UGT1A8: variants seen among roughly 807,000 people sequenced by gnomAD.
UGT1A8 encodes UDP glucuronosyltransferase family 1 member A8.
Under a neutral mutation model 45.3 loss-of-function variants are expected in UGT1A8, and 39 were observed. The observed-to-expected ratio is 0.86, with a 90% CI of 0.67 to 1.12. The LOEUF (loss-of-function observed/expected upper bound fraction) is 1.12. UGT1A8 is among the 50% of genes most tolerant of loss of function. The pLI, the probability that UGT1A8 is intolerant of heterozygous loss-of-function variation, is 0.00. For missense variants in UGT1A8, 719 were observed against 664.9 expected (o/e 1.08, Z -0.90); for synonymous variants, 275 against 249.2 (o/e 1.10, Z -0.97).
chr2:233,726,371 C>A (rs1294856696), intron 1 of UGT1A8, among the ~76,000 whole-genome samples: 2 of 152,074 alleles, frequency 1.3e-5, no homozygotes, highest in African/African-American at 4.8e-5. Flanking sequence ...ACAACAAAAA[C>A]CAAAATTGCT....
intron 1 of UGT1A8, among the ~76,000 whole-genome samples, chr2:233,649,921 T>C (rs1158218911): frequency 2.6e-5 from 4 of 152,196 alleles, no homozygotes; most frequent in Admixed American, 2.0e-4. Context: ...CTGGTAAATC[T>C]ATGTTTCATC....
chr2:233,646,856 T>A (rs2073617657), intron 1 of UGT1A8, among the ~76,000 whole-genome samples: 1 of 152,210 alleles, frequency 6.6e-6, no homozygotes, highest in South Asian at 2.1e-4. Flanking sequence ...CCCTTCCACG[T>A]TTTCAGGTAT....
At chr2:233,760,762 A>G in intron 1 of UGT1A8, 9 of 1,614,056 alleles carry the variant, frequency 5.6e-6, no homozygotes, top group Non-Finnish European at 7.6e-6. Flanking sequence ...TTGCAGCCCC[A>G]TCGTGGCCCA....
chr2:233,692,672 T>C (rs1295423428), intron 1 of UGT1A8, among the ~76,000 whole-genome samples: 1 of 152,104 alleles, frequency 6.6e-6, no homozygotes, highest in Non-Finnish European at 1.5e-5. Flanking sequence ...GGATAGAGAA[T>C]TGGCAGGGGG....
At chr2:233,630,435 A>T (rs2073167095) in intron 1 of UGT1A8, among the ~76,000 whole-genome samples, 1 of 152,194 alleles carries the variant, frequency 6.6e-6, no homozygotes, top group South Asian at 2.1e-4. Flanking sequence ...AACCTGCAGA[A>T]TATAATTCTG....
chr2:233,757,562 G>GTATATATATATATATATA (rs1491042837), intron 1 of UGT1A8, among the ~76,000 whole-genome samples: 1 of 90,870 alleles, frequency 1.1e-5, no homozygotes, highest in Non-Finnish European at 2.1e-5. Context: ...ATATATATAT[G>GTATATATATATATATATA]TATATATGAT....
At chr2:233,758,245 A>G (rs1047370626) in intron 1 of UGT1A8, among the ~76,000 whole-genome samples, 51 of 152,214 alleles carry the variant, frequency 3.4e-4, no homozygotes, top group Non-Finnish European at 1.9e-4. Flanking sequence ...ATTGCCCACT[A>G]TTCAGATTAG....
rs149856651 is a variant in UGT1A8 at position 233,729,965 on chromosome 2, A to G, written c.856-37069A>G. 8 of 1,613,950 alleles carry G rather than the reference A, an allele frequency of 5.0e-6. No individual in the cohort carries two copies. In the African/African-American group the frequency reaches 9.3e-5, roughly 19 times the overall value. Reference sequence around the variant, plus strand: ...AACATGGTCTTCATTGGGGGCATCAACTGTGCCAACAGGAAGCCACTATCT... The same window carrying G: ...AACATGGTCTTCATTGGGGGCATCAGCTGTGCCAACAGGAAGCCACTATCT... On this transcript the variant is annotated intron_variant, in intron 1 of 4. Coordinates refer to ENST00000373450, the MANE Select transcript of UGT1A8 (RefSeq NM_019076.5).
At position 233,768,257 on chromosome 2, in the gene UGT1A8, T is replaced by C. The variant is rs139698110; in HGVS notation, c.1113T>C (p.Gly371=). ...CCCGTGCCTTTATCACCCATGCTGG[T>C]TCCCATGGTGTTTATGAAAGCATAT... ...PMTRAFITHA[G]SHGVYESICN... is the part of the protein sequence containing the mutation. The change falls in exon 4 of 5, where the codon GGT becomes GGC. Residue 371 remains glycine, a synonymous_variant. Transcript: ENST00000373450. 1.8e-3 allele frequency: 2,975 copies of C among 1,614,198 alleles called. 7 individuals are homozygous for C. Among genetic ancestry groups the C allele is most frequent in the Non-Finnish European group, 2.4e-3 (2,868 of 1,180,032 alleles).
intron 1 of UGT1A8, chr2:233,681,965 C>T: frequency 2.5e-6 from 4 of 1,614,102 alleles, no homozygotes; most frequent in Non-Finnish European, 3.4e-6. Flanking sequence ...GACTGGCCTC[C>T]TTCCCCTATA....
chr2:233,638,731 T>A (rs1239129998), intron 1 of UGT1A8, among the ~76,000 whole-genome samples: 1 of 152,208 alleles, frequency 6.6e-6, no homozygotes, highest in Non-Finnish European at 1.5e-5. Flanking sequence ...TCAGTAGACT[T>A]TGTAACACAG....
intron 1 of UGT1A8, chr2:233,682,107 T>C (rs2074558272): frequency 6.2e-7 from 1 of 1,614,026 alleles, no homozygotes; most frequent in African/African-American, 1.3e-5. Flanking sequence ...GAGGTGGTCG[T>C]AGTCATGCCA....
At chr2:233,713,759 G>C (rs752103750) in intron 1 of UGT1A8, 10 of 1,613,990 alleles carry the variant, frequency 6.2e-6, no homozygotes, top group Non-Finnish European at 3.4e-6. Context: ...CTGTGTGGCT[G>C]TTCCGAGGGG....
At chr2:233,637,278 G>T (rs773873171) in intron 1 of UGT1A8, 42 of 1,613,814 alleles carry the variant, frequency 2.6e-5, no homozygotes, top group Non-Finnish European at 3.3e-5. Flanking sequence ...CAATTTGGTT[G>T]TTGCGAACGG....
At chr2:233,637,287 G>A (rs776259133) in intron 1 of UGT1A8, 18 of 1,613,948 alleles carry the variant, frequency 1.1e-5, no homozygotes, top group South Asian at 3.3e-5. Flanking sequence ...TGTTGCGAAC[G>A]GACTTTGTTT....
intron 1 of UGT1A8, among the ~76,000 whole-genome samples, chr2:233,757,694 G>A (rs757732265): frequency 2.0e-5 from 3 of 151,666 alleles, no homozygotes; most frequent in Non-Finnish European, 4.4e-5. Flanking sequence ...ATTCAAGGAA[G>A]GTGGCTTTGC....
chr2:233,672,357 T>G lies in UGT1A8; in HGVS notation c.855+53795T>G, dbSNP rs138301590. 7.0e-4 allele frequency: 1,134 copies of G among 1,614,202 alleles called. 3 individuals carry two copies. Among genetic ancestry groups the G allele is most frequent in the Admixed American group, 2.4e-3 (146 of 60,022 alleles). ...TAGTAGAATACTTAAAGGAGAGTTCTTTTGATGCAGTGTTTCTCGATCCTT... is the reference window on the plus strand; with the variant it reads ...TAGTAGAATACTTAAAGGAGAGTTCGTTTGATGCAGTGTTTCTCGATCCTT... On this transcript the variant is annotated intron_variant, in intron 1 of 4. Transcript: ENST00000373450.
chr2:233,669,384 T>C (rs2074136649), intron 1 of UGT1A8, among the ~76,000 whole-genome samples: 1 of 152,214 alleles, frequency 6.6e-6, no homozygotes, highest in Non-Finnish European at 1.5e-5. Context: ...GGGGTTGTAT[T>C]AAATTTATAG....
At chr2:233,730,021 A>G (rs1183209625) in intron 1 of UGT1A8, 7 of 1,613,586 alleles carry the variant, frequency 4.3e-6, no homozygotes, top group Non-Finnish European at 5.9e-6. Flanking sequence ...CATCCAATCA[A>G]TGTTCCAGGC....
Sources: gnomAD v4.1 joint callset for allele counts (sites outside exome capture counted in the v4.1 genomes callset) on GRCh38, gnomAD v4.1.1 for gene constraint, MANE v1.5 for transcripts, NCBI Gene and HGNC (gene_info 2026-07-23, HGNC 2026-07-21) for gene names.